ATE1: variants seen among roughly 807,000 people sequenced by gnomAD.
The protein encoded by ATE1 is arginyltransferase 1.
ATE1 carries 36 observed loss-of-function variants against 70.5 expected under a neutral mutation model. That is an observed-to-expected ratio of 0.51 (90% CI 0.39 to 0.67). The LOEUF is 0.67. ATE1 is among the 30% of genes least tolerant of loss of function. The pLI is 0.00. For synonymous variants in ATE1, 232 were observed against 219.3 expected, an observed-to-expected ratio of 1.06 and a Z score of -0.51; for missense variants, 593 against 629.5, an observed-to-expected ratio of 0.94 and a Z score of 0.62.
intron 1 of ATE1, among the ~76,000 whole-genome samples, chr10:121,925,939 C>T (rs1447621462): frequency 6.6e-6 from 1 of 151,768 alleles, no homozygotes; most frequent in African/African-American, 2.4e-5. Flanking sequence ...GGTGCAGTGG[C>T]TCATGCCTAT....
intron 11 of ATE1, among the ~76,000 whole-genome samples, chr10:121,756,319 C>T (rs901179701): frequency 3.3e-5 from 5 of 152,222 alleles, no homozygotes; most frequent in Non-Finnish European, 5.9e-5. Flanking sequence ...CTCCTTGCTG[C>T]TTTCACAGGC....
chr10:121,862,398 T>G (rs1404746286), intron 8 of ATE1, among the ~76,000 whole-genome samples: 1 of 152,052 alleles, frequency 6.6e-6, no homozygotes, highest in Non-Finnish European at 1.5e-5. Flanking sequence ...CTTTCTTTTC[T>G]TTCTTTGGAG....
chr10:121,817,311 C>T (rs540163641), intron 10 of ATE1, among the ~76,000 whole-genome samples: 11 of 152,312 alleles, frequency 7.2e-5, no homozygotes, highest in East Asian at 1.9e-4. Flanking sequence ...GAGGCCAAGG[C>T]GGGCGGATCA....
At chr10:121,872,277 T>C (rs1259529714) in intron 7 of ATE1, among the ~76,000 whole-genome samples, 1 of 152,218 alleles carries the variant, frequency 6.6e-6, no homozygotes, top group Non-Finnish European at 1.5e-5. Flanking sequence ...ATACACATTT[T>C]TGGCATGTGT....
chr10:121,780,609 A>C (rs1386011645), intron 11 of ATE1, among the ~76,000 whole-genome samples: 2 of 152,170 alleles, frequency 1.3e-5, no homozygotes, highest in Non-Finnish European at 2.9e-5. Flanking sequence ...TAAAAATCTC[A>C]ACTCCTTATC....
intron 10 of ATE1, among the ~76,000 whole-genome samples, chr10:121,824,205 C>T (rs1161089282): frequency 2.6e-5 from 4 of 152,296 alleles, no homozygotes; most frequent in Non-Finnish European, 5.9e-5. Flanking sequence ...CATCTGACAT[C>T]AAGAAAACAT....
intron 9 of ATE1, among the ~76,000 whole-genome samples, chr10:121,839,804 AAAAATCACTTATGGACC>A (rs1280511231): frequency 6.6e-6 from 1 of 152,242 alleles, no homozygotes; most frequent in Non-Finnish European, 1.5e-5. Context: ...ACACACACAA[AAAAATCACTTATGGACC>A]AGATTGTTAA....
At chr10:121,910,648 G>A (rs1443754114) in intron 5 of ATE1, among the ~76,000 whole-genome samples, 1 of 114,844 alleles carries the variant, frequency 8.7e-6, no homozygotes, top group African/African-American at 2.7e-5. Context: ...AGGCCCTAAA[G>A]TAGTAAGTAG....
At chr10:121,888,373 G>A (rs934337967) in intron 7 of ATE1, among the ~76,000 whole-genome samples, 2 of 152,058 alleles carry the variant, frequency 1.3e-5, no homozygotes, top group African/African-American at 2.4e-5. Flanking sequence ...CAGCCTGGGC[G>A]ACAGAGCAAG....
chr10:121,925,819 T>TCC (rs1952066319), intron 1 of ATE1, among the ~76,000 whole-genome samples: 2 of 151,954 alleles, frequency 1.3e-5, no homozygotes, highest in Admixed American at 1.3e-4. Context: ...AATTTGAGAT[T>TCC]TGAGGCTGCA....
intron 7 of ATE1, among the ~76,000 whole-genome samples, chr10:121,889,782 C>T (rs988181956): frequency 1.3e-5 from 2 of 151,854 alleles, no homozygotes; most frequent in African/African-American, 2.4e-5. Context: ...TACTGTACTC[C>T]AGCCTGGGTG....
intron 8 of ATE1, among the ~76,000 whole-genome samples, chr10:121,844,206 A>C (rs548734975): frequency 6.6e-6 from 1 of 152,362 alleles, no homozygotes; most frequent in Non-Finnish European, 1.5e-5. Context: ...TCAAGGCTGC[A>C]GTGAGCTAAG....
intron 11 of ATE1, among the ~76,000 whole-genome samples, chr10:121,762,587 C>G (rs181330847): frequency 6.6e-6 from 1 of 152,138 alleles, no homozygotes; most frequent in African/African-American, 2.4e-5. Context: ...CAAAGATGTG[C>G]ATATTTGGTG....
intron 11 of ATE1, among the ~76,000 whole-genome samples, chr10:121,745,670 T>C (rs933945459): frequency 5.3e-5 from 8 of 152,194 alleles, no homozygotes; most frequent in Admixed American, 1.3e-4. Flanking sequence ...GAGTTTGCAG[T>C]GAGCCGAGAT....
At chr10:121,865,926 T>C (rs1306499587) in intron 8 of ATE1, among the ~76,000 whole-genome samples, 1 of 152,248 alleles carries the variant, frequency 6.6e-6, no homozygotes, top group Non-Finnish European at 1.5e-5. Context: ...TCACTCATAG[T>C]AGTCATTGTG....
intron 7 of ATE1, among the ~76,000 whole-genome samples, chr10:121,879,354 C>T (rs1388298243): frequency 6.6e-6 from 1 of 152,176 alleles, no homozygotes; most frequent in African/African-American, 2.4e-5. Flanking sequence ...TTCTTACCTT[C>T]CACCACGCTG....
At position 121,887,228 on chromosome 10, in the gene ATE1, G is replaced by T. The variant is rs144953191; in HGVS notation, c.942+12638C>A. On this transcript the variant is annotated intron_variant, in intron 7 of 11. Coordinates refer to ENST00000224652, the MANE Select transcript of ATE1 (RefSeq NM_001001976.3). ...GTGAGACAGTGGCGCAGCTTCCACC[G>T]TCTCCTTTCAAGTCTCCATGGGGTC... 4.1e-3 allele frequency among the ~76,000 whole-genome samples: 617 copies of T among 152,212 alleles called. 3 individuals carry two copies. Among genetic ancestry groups the T allele is most frequent in the African/African-American group, 0.014 (588 of 41,520 alleles).
intron 11 of ATE1, among the ~76,000 whole-genome samples, chr10:121,752,100 G>A (rs1426992820): frequency 6.6e-6 from 1 of 151,228 alleles, no homozygotes; most frequent in Non-Finnish European, 1.5e-5. Context: ...GGGAGGCTGA[G>A]GCAGGAGAAT....
At chr10:121,891,212 G>A (rs1320680074) in intron 7 of ATE1, among the ~76,000 whole-genome samples, 2 of 152,140 alleles carry the variant, frequency 1.3e-5, no homozygotes, top group Admixed American at 1.3e-4. Flanking sequence ...GGTGGTAACT[G>A]ATTTACATGG....
Sources: allele counts gnomAD v4.1 joint callset (sites outside exome capture counted in the v4.1 genomes callset), GRCh38; gene constraint gnomAD v4.1.1; transcripts MANE v1.5; gene names NCBI Gene and HGNC (gene_info 2026-07-23, HGNC 2026-07-21).